Variants in PRKCI observed in about 807,000 individuals in gnomAD.
PRKCI encodes protein kinase C iota.
PRKCI carries 43 observed loss-of-function variants against 84.0 expected under a neutral mutation model. That is an observed-to-expected ratio of 0.51 (90% CI 0.40 to 0.66). The LOEUF is 0.66. Ranked by LOEUF, PRKCI falls within the 30% of genes least tolerant of loss-of-function variation. The pLI is 0.00. For synonymous variants in PRKCI, 216 were observed against 234.4 expected (o/e 0.92, Z 0.72); for missense variants, 459 against 745.6 (o/e 0.62, Z 4.48).
At chr3:170,249,826 T>C (rs1231847006) in intron 2 of PRKCI, among the ~76,000 whole-genome samples, 1 of 151,982 alleles carries the variant, frequency 6.6e-6, no homozygotes, top group Admixed American at 6.6e-5. Context: ...ATACCAACTT[T>C]CATATTTGTG....
In PRKCI at chr3:170,304,372, C is replaced by A. The variant is rs938443347; in HGVS notation, c.*1245C>A. The A allele has an allele frequency of 6.6e-6, 1 of 152,142 alleles. No homozygotes were observed. The highest frequency in any genetic ancestry group is 1.5e-5 in the Non-Finnish European group (1 of 68,024). 9.4% of individuals were successfully genotyped at this position (152,142 alleles called of 1,614,324 possible). ...TGTTACCAAACTTGTAAAAGCATTC[C>A]ATGTATTCAGTGGAGGCAGAATGTA... On this transcript the variant is annotated 3_prime_UTR_variant, in exon 18 of 18. Coordinates refer to ENST00000295797, the MANE Select transcript of PRKCI (RefSeq NM_002740.6).
intron 13 of PRKCI, 40 bp downstream of exon 13, chr3:170,291,981 G>A: frequency 7.1e-7 from 1 of 1,406,304 alleles, no homozygotes; most frequent in Non-Finnish European, 1.0e-6. Flanking sequence ...GCTATTGCTA[G>A]ATGGGTGGTA....
At chr3:170,272,923 C>T (rs1164408502) in intron 6 of PRKCI, among the ~76,000 whole-genome samples, 2 of 152,114 alleles carry the variant, frequency 1.3e-5, no homozygotes, top group African/African-American at 2.4e-5. Flanking sequence ...AAGTCTACCC[C>T]GGACCCCAGC....
At position 170,241,682 on chromosome 3, in the gene PRKCI, A is replaced by G. The variant is rs576987962; in HGVS notation, c.223+6331A>G. ...GGGAGAGAGAGAGACAGAGACAGAG[A>G]GAGAGAGAGAAAAGGCCTCACTCTG... is the stretch of plus-strand genomic sequence containing the variant. On this transcript the variant is annotated intron_variant, in intron 2 of 17. Coordinates refer to ENST00000295797, the MANE Select transcript of PRKCI (RefSeq NM_002740.6). Among the ~76,000 whole-genome samples, 3 of 152,234 alleles carry G rather than the reference A, an allele frequency of 2.0e-5. No homozygotes were observed. In the South Asian group the frequency reaches 6.2e-4, roughly 32 times the overall value.
intron 1 of PRKCI, among the ~76,000 whole-genome samples, chr3:170,227,543 C>T (rs1732663454): frequency 6.6e-6 from 1 of 152,120 alleles, no homozygotes; most frequent in African/African-American, 2.4e-5. Context: ...AGGAGTTTGC[C>T]TGGTGAATAA....
In PRKCI at chr3:170,270,982, G is replaced by A. The variant is rs548750711; in HGVS notation, c.591+421G>A. Among the ~76,000 whole-genome samples the A allele has an allele frequency of 2.0e-5, 3 of 151,288 alleles. No individual in the cohort carries two copies. In the South Asian group the frequency reaches 6.2e-4, roughly 31 times the overall value. On this transcript the variant is annotated intron_variant, in intron 6 of 17. Coordinates refer to ENST00000295797, the MANE Select transcript of PRKCI (RefSeq NM_002740.6). ...AACTGTGAGATTACTGGCGAGGAAA[G>A]CATTTAAAATTTTTATTTATTAATT...
chr3:170,241,863 C>G (rs984809499), intron 2 of PRKCI, among the ~76,000 whole-genome samples: 1 of 151,984 alleles, frequency 6.6e-6, no homozygotes, highest in Non-Finnish European at 1.5e-5. Flanking sequence ...TGCAGTGGCT[C>G]ACACCTGTAA....
At chr3:170,275,608 G>T (rs1734096402) in intron 8 of PRKCI, among the ~76,000 whole-genome samples, 1 of 151,946 alleles carries the variant, frequency 6.6e-6, no homozygotes, top group African/African-American at 2.4e-5. Context: ...TTTTGTGCCT[G>T]AATTGCTTAT....
intron 2 of PRKCI, among the ~76,000 whole-genome samples, chr3:170,242,098 A>G (rs1033743989): frequency 1.3e-5 from 2 of 151,816 alleles, no homozygotes; most frequent in East Asian, 3.9e-4. Context: ...AACAATAGCA[A>G]AACTCCGTCT....
intron 15 of PRKCI, among the ~76,000 whole-genome samples, chr3:170,296,379 G>A (rs776582092): frequency 8.6e-5 from 13 of 152,024 alleles, no homozygotes; most frequent in Admixed American, 2.6e-4. Context: ...TTTTGAGCAC[G>A]TGGGCCGCAG....
At chr3:170,225,564 TTTC>T (rs2108832550) in intron 1 of PRKCI, among the ~76,000 whole-genome samples, 1 of 151,850 alleles carries the variant, frequency 6.6e-6, no homozygotes, top group African/African-American at 2.4e-5. Flanking sequence ...CCTCTACACT[TTTC>T]TTTTCTTTTT....
intron 2 of PRKCI, among the ~76,000 whole-genome samples, chr3:170,258,398 T>C (rs534625651): frequency 1.3e-5 from 2 of 151,690 alleles, no homozygotes; most frequent in South Asian, 2.1e-4. Context: ...CTCTGCTTCC[T>C]AGGTTCAAGC....
chr3:170,245,949 G>GTTTTTTTTT lies in PRKCI; in HGVS notation c.223+10611_223+10619dup, dbSNP rs112482352. Among the ~76,000 whole-genome samples the GTTTTTTTTT allele has an allele frequency of 6.4e-4, 53 of 82,454 alleles. 1 individual carries two copies. Among genetic ancestry groups the GTTTTTTTTT allele is most frequent in the African/African-American group, 2.5e-3 (52 of 20,468 alleles). The allele number at this position is 82,454 out of a possible 152,430, so 54.1% of individuals were successfully genotyped here. On this transcript the variant is annotated intron_variant, in intron 2 of 17. Coordinates refer to ENST00000295797, the MANE Select transcript of PRKCI (RefSeq NM_002740.6). ...TTTTTTCCCTGGATGTTATGTCTTT[G>GTTTTTTTTT]TTTTTTTTTTTTTTTTTTTTTCTGA...
At chr3:170,236,585 A>T (rs146254883) in intron 2 of PRKCI, among the ~76,000 whole-genome samples, 1 of 152,140 alleles carries the variant, frequency 6.6e-6, no homozygotes. Context: ...AACATTTATC[A>T]TATATGTAGG....
intron 2 of PRKCI, among the ~76,000 whole-genome samples, chr3:170,243,932 G>A (rs376539446): frequency 6.6e-6 from 1 of 152,164 alleles, no homozygotes; most frequent in Non-Finnish European, 1.5e-5. Flanking sequence ...ATTAGACTGG[G>A]GTTCACCTGG....
chr3:170,303,037 C>T lies in PRKCI; in HGVS notation c.1704-3C>T. ...GAAAATAAATTTATTTTTCTTTCAA[C>T]AGTGACATTGTGAGGAAGATTGATC... On this transcript the variant is annotated splice_polypyrimidine_tract_variant and splice_region_variant and intron_variant, in intron 17 of 17. Coordinates refer to ENST00000295797, the MANE Select transcript of PRKCI (RefSeq NM_002740.6). 1 of 1,579,672 alleles carries T rather than the reference C, an allele frequency of 6.3e-7. No homozygotes were observed. Among genetic ancestry groups the T allele is most frequent in the Non-Finnish European group, 8.6e-7 (1 of 1,160,452 alleles).
At chr3:170,266,334 A>T (rs928612106) in intron 4 of PRKCI, among the ~76,000 whole-genome samples, 5 of 152,218 alleles carry the variant, frequency 3.3e-5, no homozygotes, top group Non-Finnish European at 7.3e-5. Flanking sequence ...CAATGAAGAG[A>T]TCTAGCAGTC....
intron 7 of PRKCI, among the ~76,000 whole-genome samples, chr3:170,273,640 C>G (rs1438441810): frequency 6.6e-6 from 1 of 151,496 alleles, no homozygotes; most frequent in East Asian, 1.9e-4. Context: ...CGTGGTAAAA[C>G]CCCGTCTCTA....
rs750793453 is a variant in PRKCI, at chr3:170,280,209, T to A, written c.706-18T>A. 6.2e-7 allele frequency: 1 copy of A among 1,601,132 alleles called. No individual in the cohort carries two copies. Among genetic ancestry groups the A allele is most frequent in the East Asian group, 2.2e-5 (1 of 44,750 alleles). On this transcript the variant is annotated intron_variant, in intron 8 of 17. Transcript: ENST00000295797. The stretch of plus-strand genomic sequence containing the variant: ...AAAGCATTTCCCATTATAACTCTGA[T>A]ACAAATGTTCTCAACAGGCAATGAA...
Sources: gnomAD v4.1 joint callset for allele counts (sites outside exome capture counted in the v4.1 genomes callset) on GRCh38, gnomAD v4.1.1 for gene constraint, MANE v1.5 for transcripts, NCBI Gene and HGNC (gene_info 2026-07-23, HGNC 2026-07-21) for gene names.